Variants in NSRP1 observed in about 807,000 individuals in gnomAD.
NSRP1 encodes the protein coiled-coil domain containing 55.
Under a neutral mutation model 54.7 loss-of-function variants are expected in NSRP1, and 24 were observed. The ratio of observed to expected loss-of-function variants is 0.44; its 90% confidence interval spans 0.32 to 0.62. The LOEUF (loss-of-function observed/expected upper bound fraction) is 0.62, where lower values mean the gene tolerates loss of function less well. NSRP1 is among the 20% of genes least tolerant of loss of function. The probability of loss-of-function intolerance (pLI) is 0.06; values close to 1 mark genes in which losing one functional copy is unlikely to be tolerated. For missense variants in NSRP1, 596 were observed against 651.2 expected (o/e 0.92, Z 0.92); for synonymous variants, 210 against 213.8 (o/e 0.98, Z 0.15).
chr17:30,177,376 A>T (rs1905161044), intron 3 of NSRP1, among the ~76,000 whole-genome samples: 1 of 37,572 alleles, frequency 2.7e-5, no homozygotes, highest in Admixed American at 3.1e-4. Flanking sequence ...CCATCGCTTT[A>T]AAAAAAAAAA....
chr17:30,185,042 G>T lies in NSRP1; in HGVS notation c.1045G>T (p.Ala349Ser), dbSNP rs1434639383. 2.5e-6 allele frequency: 4 copies of T among 1,614,124 alleles called. No homozygotes were observed. The highest frequency in any genetic ancestry group is 1.3e-5 in the African/African-American group (1 of 75,040). ...KERDSHRHRE[A>S]SHRDSHWKRH... is the part of the protein sequence containing the mutation. ...AAGGGATTCTCATAGGCACAGAGAG[G>T]CCAGTCATAGAGATTCCCATTGGAA... Residue 349 changes from alanine (A) to serine (S), a missense_variant, in exon 7 of 7, where the codon GCC becomes TCC. Coordinates refer to ENST00000247026, the MANE Select transcript of NSRP1 (RefSeq NM_032141.4).
At chr17:30,175,447 G>A (rs946472330) in intron 3 of NSRP1, among the ~76,000 whole-genome samples, 1 of 151,488 alleles carries the variant, frequency 6.6e-6, no homozygotes, top group African/African-American at 2.4e-5. Flanking sequence ...TTTTGTTTTT[G>A]TTTTTGAGAT....
intron 2 of NSRP1, among the ~76,000 whole-genome samples, chr17:30,149,033 A>G (rs1377145361): frequency 6.6e-6 from 1 of 151,970 alleles, no homozygotes; most frequent in African/African-American, 2.4e-5. Context: ...TTTGAGTACT[A>G]TTTTAGCTGT....
At chr17:30,131,542 T>C (rs1305849555) in intron 2 of NSRP1, among the ~76,000 whole-genome samples, 1 of 11,708 alleles carries the variant, frequency 8.5e-5, no homozygotes, top group Non-Finnish European at 1.4e-4. Context: ...GTAATAGCAT[T>C]ATAGCTAAAA....
intron 2 of NSRP1, among the ~76,000 whole-genome samples, chr17:30,151,258 A>G (rs750768842): frequency 3.3e-5 from 5 of 152,138 alleles, no homozygotes; most frequent in Non-Finnish European, 7.3e-5. Flanking sequence ...AAGTTCCATA[A>G]CAGATACATG....
intron 2 of NSRP1, among the ~76,000 whole-genome samples, chr17:30,138,964 C>G (rs1428036248): frequency 7.6e-6 from 1 of 130,734 alleles, no homozygotes; most frequent in Non-Finnish European, 1.5e-5. Context: ...GTCGCCCAGG[C>G]TGGAGTGCAG....
chr17:30,119,087 T>A (rs1032397812), intron 2 of NSRP1, among the ~76,000 whole-genome samples: 11 of 151,240 alleles, frequency 7.3e-5, no homozygotes, highest in Non-Finnish European at 1.5e-4. Context: ...GTTTTAATAT[T>A]TTTTTTTCTT....
At chr17:30,142,150 A>G in intron 2 of NSRP1, among the ~76,000 whole-genome samples, 1 of 152,116 alleles carries the variant, frequency 6.6e-6, no homozygotes, top group East Asian at 1.9e-4. Context: ...TAATTCTTTT[A>G]TTCACATCTA....
chr17:30,184,282 T>G (rs922356358), intron 6 of NSRP1, among the ~76,000 whole-genome samples: 34 of 152,214 alleles, frequency 2.2e-4, no homozygotes, highest in African/African-American at 8.2e-4. Context: ...TTCAGAACAT[T>G]TATTACTTTT....
chr17:30,176,290 A>G (rs1424471275), intron 3 of NSRP1, among the ~76,000 whole-genome samples: 1 of 152,066 alleles, frequency 6.6e-6, no homozygotes, highest in Non-Finnish European at 1.5e-5. Context: ...CTCTCCTCCC[A>G]ACATATACAA....
chr17:30,162,106 C>A lies in NSRP1; in HGVS notation c.115-10436C>A, dbSNP rs536215676. On this transcript the variant is annotated intron_variant, in intron 2 of 6. Transcript: ENST00000247026. ...GCGCAGTCTCAGCTCACTACAACCT[C>A]CTCCATCTCCCAGGTTCAGGTGATT... Among the ~76,000 whole-genome samples the A allele has an allele frequency of 7.9e-5, 12 of 151,860 alleles. 1 individual carries two copies. The South Asian group carries it at 2.3e-3, about 29-fold the overall frequency.
chr17:30,142,975 C>T (rs2071819563), intron 2 of NSRP1, among the ~76,000 whole-genome samples: 1 of 152,130 alleles, frequency 6.6e-6, no homozygotes, highest in Non-Finnish European at 1.5e-5. Flanking sequence ...ACTCTTTTTA[C>T]TCAACCTGTT....
At chr17:30,166,344 C>T (rs372804690) in intron 2 of NSRP1, among the ~76,000 whole-genome samples, 2 of 152,124 alleles carry the variant, frequency 1.3e-5, no homozygotes, top group East Asian at 3.9e-4. Context: ...TCACAGGGCA[C>T]TTATGAAATC....
intron 2 of NSRP1, among the ~76,000 whole-genome samples, chr17:30,156,099 C>G (rs2071959011): frequency 6.6e-6 from 1 of 151,972 alleles, no homozygotes; most frequent in African/African-American, 2.4e-5. Context: ...CTCGGCCTCC[C>G]AAAGTGCTGG....
At chr17:30,166,043 TTAAATA>T (rs1467459160) in intron 2 of NSRP1, among the ~76,000 whole-genome samples, 9 of 152,190 alleles carry the variant, frequency 5.9e-5, no homozygotes, top group South Asian at 2.1e-4. Context: ...TTTGATTTGT[TTAAATA>T]TAAGCATTTC....
At chr17:30,156,938 T>G (rs1433469217) in intron 2 of NSRP1, among the ~76,000 whole-genome samples, 1 of 152,234 alleles carries the variant, frequency 6.6e-6, no homozygotes, top group East Asian at 1.9e-4. Flanking sequence ...TTGTGAGTAG[T>G]GCTGCAGTAA....
At chr17:30,122,576 G>A (rs1694183354) in intron 2 of NSRP1, 1 of 150,016 alleles carries the variant, frequency 6.7e-6, no homozygotes, top group Non-Finnish European at 1.5e-5. Flanking sequence ...GGCTAATTTT[G>A]TACTTTTAGT....
rs1297612638 is a variant in NSRP1 at position 30,185,122 on chromosome 17, C to T, written c.1125C>T (p.Asp375=). Reference sequence around the variant, plus strand: ...CGAGGGACCAAAGAGAAAGAAGTGACAGAGTATGGAAAAGGGAGAAAGATA... The same window carrying T: ...CGAGGGACCAAAGAGAAAGAAGTGATAGAGTATGGAAAAGGGAGAAAGATA... The part of the protein sequence containing the change: ...PRARDQRERS[D]RVWKREKDRE... The change falls in exon 7 of 7, where the codon GAC becomes GAT. Residue 375 remains aspartate (D), a synonymous_variant. Coordinates refer to ENST00000247026, the MANE Select transcript of NSRP1 (RefSeq NM_032141.4). 2 of 1,610,150 alleles carry T rather than the reference C, an allele frequency of 1.2e-6. No homozygotes were observed. Among genetic ancestry groups the T allele is most frequent in the South Asian group, 1.1e-5 (1 of 90,614 alleles).
intron 3 of NSRP1, 129 bp from the exon 4 acceptor site, chr17:30,177,942 C>G (rs974814623): frequency 8.2e-6 from 9 of 1,102,140 alleles, no homozygotes; most frequent in Middle Eastern, 2.1e-4. Context: ...ATTTGTATTT[C>G]CTATCTAAAA....
Sources: allele counts gnomAD v4.1 joint callset (sites outside exome capture counted in the v4.1 genomes callset), GRCh38; gene constraint gnomAD v4.1.1; transcripts MANE v1.5; gene names NCBI Gene and HGNC (gene_info 2026-07-23, HGNC 2026-07-21).